KIZ: variants seen among roughly 807,000 people sequenced by gnomAD.
KIZ encodes centrosomal protein kizuna.
In KIZ, 68 loss-of-function variants were observed where a neutral mutation model predicts 79.6. The ratio of observed to expected loss-of-function variants is 0.85; its 90% CI spans 0.70 to 1.05. The LOEUF (loss-of-function observed/expected upper bound fraction) is 1.05, where lower values mean the gene tolerates loss of function less well. KIZ is among the 50% of genes least tolerant of loss of function. KIZ has a pLI of 0.00. For synonymous variants in KIZ, 280 were observed against 281.8 expected (o/e 0.99, Z 0.06); for missense variants, 797 against 800.4 (o/e 1.00, Z 0.05).
chr20:21,239,272 C>T (rs186412827), intron 11 of KIZ, among the ~76,000 whole-genome samples: 1 of 152,336 alleles, frequency 6.6e-6, no homozygotes, highest in East Asian at 1.9e-4. Flanking sequence ...CTGAAAGCAG[C>T]TCACATAGCC....
At chr20:21,154,209 A>G (rs2033260518) in intron 4 of KIZ, 1 of 152,194 alleles carries the variant, frequency 6.6e-6, no homozygotes, top group African/African-American at 2.4e-5. Flanking sequence ...GAAGATAATA[A>G]GAAGAAGAAA....
chr20:21,132,897 T>C (rs1473720741), intron 2 of KIZ: 1 of 152,244 alleles, frequency 6.6e-6, no homozygotes, highest in Non-Finnish European at 1.5e-5. Context: ...TTCATGGATA[T>C]ATGAGAATGA....
At chr20:21,170,607 C>T (rs1568941979) in intron 6 of KIZ, among the ~76,000 whole-genome samples, 1 of 152,148 alleles carries the variant, frequency 6.6e-6, no homozygotes, top group Non-Finnish European at 1.5e-5. Flanking sequence ...CCAGGATAAT[C>T]TCGATCTCCT....
At chr20:21,215,524 C>T in intron 8 of KIZ, 59 bp from the exon 9 acceptor site, 3 of 992,866 alleles carry the variant, frequency 3.0e-6, no homozygotes, top group Non-Finnish European at 4.5e-6. Flanking sequence ...GACAAACACC[C>T]AAAGGATCTA....
At chr20:21,182,800 CA>C (rs763359536) in intron 6 of KIZ, among the ~76,000 whole-genome samples, 4,316 of 82,658 alleles carry the variant, frequency 0.052, 174 homozygotes, top group African/African-American at 0.15. Context: ...GTCCCCCCAC[CA>C]AAAAAAAAAA....
At chr20:21,131,817 T>C (rs1383181689) in intron 1 of KIZ, 3 of 259,708 alleles carry the variant, frequency 1.2e-5, no homozygotes. Flanking sequence ...ATTTACTTTG[T>C]GGATTTTATT....
intron 11 of KIZ, among the ~76,000 whole-genome samples, chr20:21,241,426 C>T (rs111398113): frequency 0.014 from 2,094 of 152,306 alleles, 38 homozygotes; most frequent in African/African-American, 0.048. Flanking sequence ...CCACGCACCA[C>T]GCACATTTAG....
intron 9 of KIZ, among the ~76,000 whole-genome samples, chr20:21,224,366 A>G (rs535936847): frequency 3.3e-5 from 5 of 152,370 alleles, no homozygotes; most frequent in African/African-American, 1.2e-4. Context: ...TAAGAAATAT[A>G]TCTCACAATT....
chr20:21,227,137 A>G (rs1339561397), intron 9 of KIZ, among the ~76,000 whole-genome samples: 1 of 152,166 alleles, frequency 6.6e-6, no homozygotes, highest in South Asian at 2.1e-4. Flanking sequence ...TCAAACCAGT[A>G]ATACTATCAG....
chr20:21,231,432 T>A (rs577279068), intron 10 of KIZ, among the ~76,000 whole-genome samples: 1 of 152,232 alleles, frequency 6.6e-6, no homozygotes, highest in Non-Finnish European at 1.5e-5. Context: ...TTGTACTTAA[T>A]GCATTTTTAT....
Position 21,187,114 on chromosome 20 carries a change from T to TA in KIZ, c.1353-18368dup, listed in dbSNP as rs1021570235. Among the ~76,000 whole-genome samples the TA allele has an allele frequency of 9.3e-5, 14 of 150,442 alleles. No individual in the cohort carries two copies. The South Asian group carries it at 1.5e-3, about 16-fold the overall frequency. On this transcript the variant is annotated intron_variant, in intron 6 of 12. Coordinates refer to ENST00000619189, the MANE Select transcript of KIZ (RefSeq NM_018474.6). Reference sequence around the variant, plus strand: ...TATTCCAAAATCAAAAAATAAAAATTAAAAAAAAACACAATTCAAAATCTG... The same window carrying TA: ...TATTCCAAAATCAAAAAATAAAAATTAAAAAAAAAACACAATTCAAAATCTG...
intron 2 of KIZ, among the ~76,000 whole-genome samples, chr20:21,133,464 G>A (rs1277770605): frequency 6.6e-6 from 1 of 152,228 alleles, no homozygotes; most frequent in African/African-American, 2.4e-5. Context: ...GACGTTTCAT[G>A]CAGTCTGTTC....
At chr20:21,205,698 C>CT in intron 7 of KIZ, 114 bp downstream of exon 7, 1 of 547,428 alleles carries the variant, frequency 1.8e-6, no homozygotes, top group Non-Finnish European at 3.2e-6. Context: ...CGCCGTGGCT[C>CT]ACGCCTGTAA....
chr20:21,141,425 G>A (rs1333506255), intron 3 of KIZ, among the ~76,000 whole-genome samples: 1 of 152,168 alleles, frequency 6.6e-6, no homozygotes, highest in Non-Finnish European at 1.5e-5. Context: ...CTCCTAAGCA[G>A]CATTGATTGA....
chr20:21,143,440 G>A (rs191056359), intron 3 of KIZ, among the ~76,000 whole-genome samples: 159 of 152,316 alleles, frequency 1.0e-3, no homozygotes, highest in African/African-American at 3.7e-3. Flanking sequence ...AATGGAAAAC[G>A]TTTGTGAGCA....
At chr20:21,187,877 G>T (rs1333269979) in intron 6 of KIZ, among the ~76,000 whole-genome samples, 1 of 152,094 alleles carries the variant, frequency 6.6e-6, no homozygotes, top group Non-Finnish European at 1.5e-5. Context: ...AAAATACAGA[G>T]CCTAATTGTA....
rs778278593 is a variant in KIZ at position 21,126,138 on chromosome 20, C to T, written c.23C>T (p.Ala8Val). The stretch of plus-strand genomic sequence containing the variant: ...AGCATGAGCCGGACCCTCGCATCGG[C>T]CGTGCCCCTGTCGAGTCCCGACTAC... The part of the protein sequence containing the change: MSRTLAS[A>V]VPLSSPDYYE... The change falls in exon 1 of 13, where the codon GCC becomes GTC. Residue 8 changes from alanine to valine, a missense_variant. Ala to Val is a moderately conservative substitution (Grantham distance 64). Coordinates refer to ENST00000619189, the MANE Select transcript of KIZ (RefSeq NM_018474.6). The T allele has an allele frequency of 1.3e-6, 2 of 1,515,360 alleles. No homozygotes were observed. Among genetic ancestry groups the T allele is most frequent in the East Asian group, 5.6e-5 (2 of 35,946 alleles). The allele number at this position is 1,515,360 out of a possible 1,614,324, so 93.9% of individuals were successfully genotyped here.
At chr20:21,139,010 C>G (rs2032362015) in intron 3 of KIZ, 1 of 149,662 alleles carries the variant, frequency 6.7e-6, no homozygotes. Context: ...TGAAACCGGC[C>G]CAACCCTGCT....
At position 21,184,066 on chromosome 20, in the gene KIZ, G is replaced by T. The variant is rs2034771569; in HGVS notation, c.1352+20907G>T. Among the ~76,000 whole-genome samples, 3 of 152,066 alleles carry T rather than the reference G, an allele frequency of 2.0e-5. No individual in the cohort carries two copies. In the South Asian group the frequency reaches 6.2e-4, roughly 32 times the overall value. ...TATGGGTTAGGATAGGGGAGTAGTG[G>T]TTCGTCAGAATAAAACTGGGTTCTG... On this transcript the variant is annotated intron_variant, in intron 6 of 12. Coordinates refer to ENST00000619189, the MANE Select transcript of KIZ (RefSeq NM_018474.6).
Sources: gnomAD v4.1 joint callset for allele counts (sites outside exome capture counted in the v4.1 genomes callset) on GRCh38, gnomAD v4.1.1 for gene constraint, MANE v1.5 for transcripts, NCBI Gene and HGNC (gene_info 2026-07-23, HGNC 2026-07-21) for gene names.